SOX5: variants seen among roughly 807,000 people sequenced by gnomAD.
SOX5 encodes SRY-box transcription factor 5, also known as transcription factor SOX-5.
In SOX5, 9 loss-of-function variants were observed where a neutral mutation model predicts 92.0. The ratio of observed to expected loss-of-function variants is 0.10; its 90% confidence interval spans 0.06 to 0.17. The LOEUF (loss-of-function observed/expected upper bound fraction) is 0.17, where lower values mean the gene tolerates loss of function less well. Among genes scored for constraint, SOX5 ranks in the 10% least tolerant of loss-of-function variants. SOX5 has a pLI of 1.00. For missense variants in SOX5, 642 were observed against 944.5 expected (o/e 0.68, Z 4.20); for synonymous variants, 344 against 336.3 (o/e 1.02, Z -0.25).
chr12:24,417,416 T>C (rs1399851251), intron 1 of SOX5, among the ~76,000 whole-genome samples: 1 of 152,224 alleles, frequency 6.6e-6, no homozygotes, highest in African/African-American at 2.4e-5. Flanking sequence ...TGTGAGCTAT[T>C]TTTATGTCCA....
intron 9 of SOX5, among the ~76,000 whole-genome samples, chr12:23,585,451 T>C (rs982739938): frequency 2.0e-5 from 3 of 152,118 alleles, no homozygotes; most frequent in Non-Finnish European, 2.9e-5. Flanking sequence ...ACTACAACTT[T>C]TTTCATTCCA....
chr12:23,849,052 A>C (rs145267310), intron 2 of SOX5, among the ~76,000 whole-genome samples: 1 of 152,336 alleles, frequency 6.6e-6, no homozygotes, highest in African/African-American at 2.4e-5. Context: ...TATTGCTATG[A>C]ACACGTCGAA....
At chr12:24,327,605 A>G (rs1317450620) in intron 2 of SOX5, among the ~76,000 whole-genome samples, 1 of 150,076 alleles carries the variant, frequency 6.7e-6, no homozygotes, top group South Asian at 2.1e-4. Flanking sequence ...TTTTTTTTAG[A>G]CAGAGTCTCG....
intron 3 of SOX5, among the ~76,000 whole-genome samples, chr12:23,835,123 C>T (rs557504484): frequency 5.3e-5 from 8 of 151,788 alleles, no homozygotes. Context: ...GTAGAGAACA[C>T]AAGACACTGA....
rs75311471 is a variant in SOX5 at position 24,321,982 on chromosome 12, C to T, written c.-173-44670G>A. Among the ~76,000 whole-genome samples, 636 of 152,184 alleles carry T rather than the reference C, an allele frequency of 4.2e-3. 21 individuals carry two copies. The South Asian group carries it at 0.061, about 15-fold the overall frequency. On this transcript the variant is annotated intron_variant, in intron 2 of 4. Coordinates refer to the SOX5 transcript ENST00000446891. ...CTACAGGACCTTTATTTTCTCCTTCCCACCAGACTATAAATGCTGGAAGAA... is the reference window on the plus strand; with the variant it reads ...CTACAGGACCTTTATTTTCTCCTTCTCACCAGACTATAAATGCTGGAAGAA...
chr12:24,094,517 A>G (rs1945090852), intron 4 of SOX5, among the ~76,000 whole-genome samples: 1 of 150,262 alleles, frequency 6.7e-6, no homozygotes, highest in African/African-American at 2.5e-5. Context: ...TATCATTTAC[A>G]AAATGCCAGA....
At chr12:24,235,375 C>A (rs754944755) in intron 3 of SOX5, among the ~76,000 whole-genome samples, 19 of 152,160 alleles carry the variant, frequency 1.2e-4, no homozygotes, top group Non-Finnish European at 2.4e-4. Flanking sequence ...TGGTTCATAT[C>A]TATTCCAATT....
chr12:23,800,734 T>C (rs975004117), intron 3 of SOX5, among the ~76,000 whole-genome samples: 1 of 152,142 alleles, frequency 6.6e-6, no homozygotes, highest in Admixed American at 6.6e-5. Flanking sequence ...TGGAAAACTA[T>C]GTTTACAATA....
intron 2 of SOX5, among the ~76,000 whole-genome samples, chr12:23,868,719 C>T (rs74517300): frequency 0.051 from 7,809 of 152,134 alleles, 232 homozygotes; most frequent in African/African-American, 0.074. Context: ...ACCCTACCCT[C>T]GCCTGAACCA....
chr12:24,249,704 T>C (rs746882821), intron 3 of SOX5, among the ~76,000 whole-genome samples: 2 of 152,188 alleles, frequency 1.3e-5, no homozygotes, highest in Non-Finnish European at 2.9e-5. Context: ...CAGCCAGTAA[T>C]GAACCATTGC....
intron 1 of SOX5, among the ~76,000 whole-genome samples, chr12:24,434,709 C>G (rs1399391409): frequency 6.6e-6 from 1 of 152,140 alleles, no homozygotes; most frequent in Admixed American, 6.6e-5. Flanking sequence ...CCTCCTCACT[C>G]TCTCCCTTCC....
chr12:23,712,519 A>G (rs1283449332), intron 6 of SOX5, among the ~76,000 whole-genome samples: 1 of 152,208 alleles, frequency 6.6e-6, no homozygotes, highest in Non-Finnish European at 1.5e-5. Flanking sequence ...ACATATGGTT[A>G]TAGTCACCAT....
At chr12:23,903,832 G>A (rs762211051) in intron 1 of SOX5, among the ~76,000 whole-genome samples, 6 of 152,262 alleles carry the variant, frequency 3.9e-5, no homozygotes, top group Middle Eastern at 3.4e-3. Flanking sequence ...AAACTTTACT[G>A]TGTATTAAAG....
chr12:23,823,934 G>A (rs979327493), intron 3 of SOX5, among the ~76,000 whole-genome samples: 1 of 152,084 alleles, frequency 6.6e-6, no homozygotes, highest in Non-Finnish European at 1.5e-5. Flanking sequence ...TATGCTTCAC[G>A]AAGTTCTTGT....
intron 9 of SOX5, among the ~76,000 whole-genome samples, chr12:23,577,784 T>C (rs1045510397): frequency 1.4e-4 from 22 of 152,158 alleles, no homozygotes; most frequent in African/African-American, 5.1e-4. Flanking sequence ...CCATCACTGA[T>C]GCAACATTTA....
intron 4 of SOX5, among the ~76,000 whole-genome samples, chr12:24,029,132 G>T: frequency 6.6e-6 from 1 of 151,922 alleles, no homozygotes; most frequent in Admixed American, 6.6e-5. Context: ...GATAATAGTA[G>T]TCTTAACAGC....
intron 3 of SOX5, among the ~76,000 whole-genome samples, chr12:23,815,468 A>G (rs1412474780): frequency 6.6e-6 from 1 of 152,202 alleles, no homozygotes; most frequent in South Asian, 2.1e-4. Flanking sequence ...ATAACTGATA[A>G]GAGTTCATTA....
At chr12:23,902,946 G>A (rs890874414) in intron 1 of SOX5, among the ~76,000 whole-genome samples, 1 of 152,030 alleles carries the variant, frequency 6.6e-6, no homozygotes, top group Non-Finnish European at 1.5e-5. Context: ...CCTATTTTAT[G>A]CCAAGCAAGT....
chr12:24,272,327 C>G (rs1043450342), intron 3 of SOX5, among the ~76,000 whole-genome samples: 6 of 152,074 alleles, frequency 3.9e-5, no homozygotes, highest in Non-Finnish European at 8.8e-5. Context: ...CCAATAACGA[C>G]AGTTAGTTGT....
Sources: allele counts gnomAD v4.1 joint callset (sites outside exome capture counted in the v4.1 genomes callset), GRCh38; gene constraint gnomAD v4.1.1; transcripts MANE v1.5; gene names NCBI Gene and HGNC (gene_info 2026-07-23, HGNC 2026-07-21).